Variants in XKR5 observed in about 807,000 individuals in gnomAD.
XKR5 encodes the protein XK-related protein 5.
XKR5 carries 46 observed loss-of-function variants against 40.8 expected under a neutral mutation model. The observed-to-expected ratio is 1.13, with a 90% CI of 0.89 to 1.44. The LOEUF is 1.44. XKR5 is among the 40% of genes most tolerant of loss of function. XKR5 has a pLI of 0.00. For missense variants in XKR5, 1,169 were observed against 844.7 expected (o/e 1.38, Z -4.76); for synonymous variants, 466 against 356.1 (o/e 1.31, Z -3.48).
At position 6,821,663 on chromosome 8, in the gene XKR5, G is replaced by C. The variant is rs150431748; in HGVS notation, c.807+206C>G. ...TTGCCACATTGAATGCAGGGCCACA[G>C]CTGGAGGTTGGGTTACTATTTTCAA... On this transcript the variant is annotated intron_variant, in intron 5 of 6. Coordinates refer to ENST00000618742, the MANE Select transcript of XKR5 (RefSeq NM_207411.5). 6.7e-3 allele frequency among the ~76,000 whole-genome samples: 1,022 copies of C among 152,300 alleles called. 8 individuals carry two copies. Among genetic ancestry groups the C allele is most frequent in the African/African-American group, 0.023 (967 of 41,550 alleles).
rs552680445 is a variant in XKR5 at position 6,820,444 on chromosome 8, T to C, written c.807+1425A>G. 9.9e-4 allele frequency among the ~76,000 whole-genome samples: 151 copies of C among 152,368 alleles called. 1 individual carries two copies. The highest frequency in any genetic ancestry group is 4.3e-4 in the Non-Finnish European group (29 of 68,042). Reference sequence around the variant, plus strand: ...CTGGGAGATGACACGGCAACTGACATGTGAGTGTGACAAATGCAAGCAAAC... The same window carrying C: ...CTGGGAGATGACACGGCAACTGACACGTGAGTGTGACAAATGCAAGCAAAC... On this transcript the variant is annotated intron_variant, in intron 5 of 6. Transcript: ENST00000618742.
intron 5 of XKR5, among the ~76,000 whole-genome samples, chr8:6,819,676 G>C (rs1318474203): frequency 1.3e-5 from 2 of 152,198 alleles, no homozygotes; most frequent in African/African-American, 4.8e-5. Context: ...CTTTTCTTCA[G>C]TTTCATGGTT....
At position 6,812,351 on chromosome 8, in the gene XKR5, C is replaced by G; in HGVS notation, c.920-12G>C. 2 of 1,527,564 alleles carry G rather than the reference C, an allele frequency of 1.3e-6. No individual in the cohort carries two copies. Among genetic ancestry groups the G allele is most frequent in the East Asian group, 2.4e-5 (1 of 40,872 alleles). The allele number at this position is 1,527,564 out of a possible 1,614,324, so 94.6% of individuals were successfully genotyped here. ...CAGTGAGACACTGCCTGAAAAAGAA[C>G]AAAAAGACCACAAGGTTATGTTCTT... On this transcript the variant is annotated splice_polypyrimidine_tract_variant and intron_variant, in intron 6 of 6. Coordinates refer to ENST00000618742, the MANE Select transcript of XKR5 (RefSeq NM_207411.5).
At chr8:6,815,696 G>T in intron 6 of XKR5, 111 bp downstream of exon 6, 1 of 707,224 alleles carries the variant, frequency 1.4e-6, no homozygotes, top group Non-Finnish European at 2.4e-6. Flanking sequence ...CTGGTTCCTT[G>T]GTCTCCAGTT....
chr8:6,814,806 C>T (rs898815075), intron 6 of XKR5, among the ~76,000 whole-genome samples: 1 of 152,166 alleles, frequency 6.6e-6, no homozygotes, highest in East Asian at 1.9e-4. Flanking sequence ...GTTACGAAGC[C>T]ACAGTGTGTG....
At chr8:6,827,388 C>T (rs1700539989) in intron 2 of XKR5, among the ~76,000 whole-genome samples, 1 of 152,200 alleles carries the variant, frequency 6.6e-6, no homozygotes, top group Non-Finnish European at 1.5e-5. Flanking sequence ...TGTAGAGACC[C>T]CTAAGGCTCT....
intron 5 of XKR5, among the ~76,000 whole-genome samples, chr8:6,816,467 A>G (rs1009562042): frequency 2.6e-5 from 4 of 152,098 alleles, no homozygotes; most frequent in African/African-American, 4.8e-5. Flanking sequence ...CCGTGGCTGC[A>G]GCTGGTCAAA....
At position 6,815,714 on chromosome 8, in the gene XKR5, T is replaced by C. The variant is rs765503000; in HGVS notation, c.919+93A>G. 7 of 856,690 alleles carry C rather than the reference T, an allele frequency of 8.2e-6. No homozygotes were observed. The African/African-American group carries it at 1.2e-4, about 15-fold the overall frequency. The allele number at this position is 856,690 out of a possible 1,614,324, so 53.1% of individuals were successfully genotyped here. A position where few individuals can be genotyped will look rare whatever the true frequency, so the allele number is the denominator to read the frequency against. On this transcript the variant is annotated intron_variant, in intron 6 of 6. Transcript: ENST00000618742. ...GTTCCTTGGTCTCCAGTTAACCACA[T>C]CTGAACTCAGTTTCCTACCCTTTGA...
Position 6,814,772 on chromosome 8 carries a change from G to A in XKR5, c.919+1035C>T, listed in dbSNP as rs372268575. Reference sequence around the variant, plus strand: ...AAGAAGAACAGAGCTGAAACCCAGGGTGGCCTGTGGCTCTCAAATGCTTGT... The same window carrying A: ...AAGAAGAACAGAGCTGAAACCCAGGATGGCCTGTGGCTCTCAAATGCTTGT... On this transcript the variant is annotated intron_variant, in intron 6 of 6. Transcript: ENST00000618742. Among the ~76,000 whole-genome samples, 12 of 152,302 alleles carry A rather than the reference G, an allele frequency of 7.9e-5. No homozygotes were observed. The East Asian group carries it at 1.2e-3, about 15-fold the overall frequency.
intron 5 of XKR5, among the ~76,000 whole-genome samples, chr8:6,818,280 T>G (rs926096104): frequency 6.6e-6 from 1 of 152,226 alleles, no homozygotes; most frequent in African/African-American, 2.4e-5. Context: ...AGGTGAACCT[T>G]GCTCACCACA....
rs1315616452 is a variant in XKR5, at chr8:6,832,792, C to G, written c.167G>C (p.Trp56Ser). ...GFLVQALSYL[W>S]FRADGHPGHC... The stretch of plus-strand genomic sequence containing the variant: ...CCCTGGATGCCCGTCTGCTCGGAAC[C>G]ACAGGTAGCTCAGGGCCTGGACCAA... The change falls in exon 2 of 7, where the codon TGG (tryptophan) becomes TCG (serine). Residue 56 changes from tryptophan to serine, a missense_variant. Physicochemically the swap from Trp to Ser is radical, Grantham distance 177. Coordinates refer to ENST00000618742, the MANE Select transcript of XKR5 (RefSeq NM_207411.5). The G allele has an allele frequency of 1.2e-6, 2 of 1,613,144 alleles. No homozygotes were observed. The highest frequency in any genetic ancestry group is 8.5e-7 in the Non-Finnish European group (1 of 1,179,592).
chr8:6,832,495 A>G (rs1251763871), intron 2 of XKR5, among the ~76,000 whole-genome samples: 1 of 152,218 alleles, frequency 6.6e-6, no homozygotes, highest in Non-Finnish European at 1.5e-5. Context: ...GTAAGGTCAC[A>G]GCTTCACAGA....
chr8:6,835,482 C>A lies in XKR5; in HGVS notation c.12G>T (p.Arg4Ser), dbSNP rs931678959. Residue 4 changes from arginine to serine, a missense_variant, in exon 1 of 7, where the codon AGG becomes AGT. By Grantham distance (110) the Arg-to-Ser change is moderately radical. Coordinates refer to ENST00000618742, the MANE Select transcript of XKR5 (RefSeq NM_207411.5). MHA[R>S]LLGLSALLQA... ...GCAGCAGGGCCGAGAGCCCCAGGAG[C>A]CTCGCGTGCATCTTCCGTGCCGACC... 4 of 1,502,426 alleles carry A rather than the reference C, an allele frequency of 2.7e-6. No individual in the cohort carries two copies. In the African/African-American group the frequency reaches 4.3e-5, roughly 16 times the overall value. The allele number at this position is 1,502,426 out of a possible 1,614,324, so 93.1% of individuals were successfully genotyped here.
At chr8:6,822,186 G>A in intron 4 of XKR5, 148 bp from the exon 5 acceptor site, 1 of 748,422 alleles carries the variant, frequency 1.3e-6, no homozygotes, top group Non-Finnish European at 2.1e-6. Flanking sequence ...GAGATTTGAG[G>A]GGGACAGAAA....
intron 3 of XKR5, among the ~76,000 whole-genome samples, 174 bp from the exon 4 acceptor site, chr8:6,823,904 T>C (rs1185541788): frequency 6.6e-6 from 1 of 152,206 alleles, no homozygotes; most frequent in Non-Finnish European, 1.5e-5. Context: ...ATAACAACTC[T>C]ATGTCCAAAT....
intron 5 of XKR5, among the ~76,000 whole-genome samples, chr8:6,821,307 C>T (rs1282900308): frequency 6.6e-6 from 1 of 152,208 alleles, no homozygotes; most frequent in Non-Finnish European, 1.5e-5. Context: ...GCAGCTACTC[C>T]TATGAGTCCC....
At chr8:6,822,659 G>A (rs569909971) in intron 4 of XKR5, among the ~76,000 whole-genome samples, 22 of 152,320 alleles carry the variant, frequency 1.4e-4, no homozygotes, top group Non-Finnish European at 2.8e-4. Flanking sequence ...TAAAACAAGA[G>A]TAAACTGTTC....
intron 2 of XKR5, among the ~76,000 whole-genome samples, chr8:6,826,937 T>A (rs77678429): frequency 6.6e-6 from 1 of 152,068 alleles, no homozygotes; most frequent in African/African-American, 2.4e-5. Flanking sequence ...CCTCCGAGGC[T>A]CTCGGAAAAG....
chr8:6,821,904 T>C lies in XKR5; in HGVS notation c.772A>G (p.Ser258Gly). 1 of 1,613,530 alleles carries C rather than the reference T, an allele frequency of 6.2e-7. No homozygotes were observed. Among genetic ancestry groups the C allele is most frequent in the Non-Finnish European group, 8.5e-7 (1 of 1,179,722 alleles). ...YILCYLSFWD[S>G]PSRNRMVTFY... ...GTGACCATCCTATTTCTAGAAGGGC[T>C]GTCCCAGAAGCTGAGGTAGCAGAGG... is the stretch of plus-strand genomic sequence containing the variant. The change falls in exon 5 of 7, where the codon AGC becomes GGC. Residue 258 changes from serine (S) to glycine (G), a missense_variant. Transcript: ENST00000618742.
Sources: allele counts gnomAD v4.1 joint callset (sites outside exome capture counted in the v4.1 genomes callset), GRCh38; gene constraint gnomAD v4.1.1; transcripts MANE v1.5; gene names NCBI Gene and HGNC (gene_info 2026-07-23, HGNC 2026-07-21).